Variants in RESF1 observed in about 807,000 individuals in gnomAD.
RESF1 encodes the protein gonad expressed transcript.
RESF1 carries 65 observed loss-of-function variants against 134.7 expected under a neutral mutation model. That is an observed-to-expected ratio of 0.48 (90% CI 0.40 to 0.59). RESF1 has a LOEUF of 0.59. RESF1 is among the 20% of genes least tolerant of loss of function. The probability of loss-of-function intolerance (pLI) is 0.00; values close to 1 mark genes in which losing one functional copy is unlikely to be tolerated. For missense variants in RESF1, 2,274 were observed against 2,002.7 expected (o/e 1.14, Z -2.59); for synonymous variants, 762 against 702.2 (o/e 1.09, Z -1.35).
In RESF1 at chr12:31,984,918, C is replaced by G. The variant is rs3759297; in HGVS notation, c.3963C>G (p.Thr1321=). Reference sequence around the variant, plus strand: ...CTTATGAACAAGCTTCTCAGGAAACCCGACAGAAGAAACATGTAACACAGA... The same window carrying G: ...CTTATGAACAAGCTTCTCAGGAAACGCGACAGAAGAAACATGTAACACAGA... The part of the protein sequence containing the change: ...TASYEQASQE[T]RQKKHVTQNS... The change falls in exon 4 of 6, where the codon ACC becomes ACG. Residue 1321 remains threonine, a synonymous_variant. Transcript: ENST00000312561. 307,994 of 1,611,740 alleles carry G rather than the reference C, an allele frequency of 0.19. 30,582 individuals carry two copies. The highest frequency in any genetic ancestry group is 0.25 in the Middle Eastern group (1,534 of 6,052).
chr12:31,961,422 A>G (rs11051700), intron 2 of RESF1, among the ~76,000 whole-genome samples: 19,176 of 152,192 alleles, frequency 0.13, 1,292 homozygotes, highest in Non-Finnish European at 0.15. Flanking sequence ...CTGTTCTCTC[A>G]TCTATAAAAT....
At chr12:31,967,454 C>T (rs947011687) in intron 2 of RESF1, among the ~76,000 whole-genome samples, 3 of 152,064 alleles carry the variant, frequency 2.0e-5, no homozygotes, top group African/African-American at 4.8e-5. Flanking sequence ...AGTTACATTT[C>T]GATAACCTGT....
At chr12:31,978,001 C>T (rs1186376580) in intron 3 of RESF1, among the ~76,000 whole-genome samples, 1 of 151,488 alleles carries the variant, frequency 6.6e-6, no homozygotes, top group Non-Finnish European at 1.5e-5. Context: ...GACAGGATTT[C>T]ACCATGTTGT....
intron 5 of RESF1, among the ~76,000 whole-genome samples, chr12:31,990,094 G>A (rs917337918): frequency 1.3e-5 from 2 of 152,164 alleles, no homozygotes; most frequent in African/African-American, 2.4e-5. Context: ...GGAGAGACAT[G>A]ATTATCTCAA....
In RESF1 at chr12:31,984,481, G is replaced by A; in HGVS notation, c.3526G>A (p.Gly1176Ser). 6.2e-7 allele frequency: 1 copy of A among 1,612,082 alleles called. No homozygotes were observed. Among genetic ancestry groups the A allele is most frequent in the Admixed American group, 1.7e-5 (1 of 59,868 alleles). ...EKDDIHCCAL[G>S]WLSMVYEGVP... ...AGATGATATCCACTGCTGTGCATTG[G>A]GCTGGCTCTCCATGGTTTACGAAGG... is the stretch of plus-strand genomic sequence containing the variant. Residue 1176 changes from glycine (G) to serine (S), a missense_variant, in exon 4 of 6, where the codon GGC (glycine) becomes AGC (serine). Gly to Ser is a moderately conservative substitution (Grantham distance 56). Coordinates refer to ENST00000312561, the MANE Select transcript of RESF1 (RefSeq NM_018169.4).
intron 3 of RESF1, among the ~76,000 whole-genome samples, chr12:31,977,465 G>A (rs1248654849): frequency 6.6e-6 from 1 of 152,054 alleles, no homozygotes; most frequent in Non-Finnish European, 1.5e-5. Context: ...GGATTTACAG[G>A]CGTGGGCCAC....
In RESF1 at chr12:31,981,774, TGACAAAA is replaced by T. The variant is rs751144594; in HGVS notation, c.823_829del (p.Lys275LeufsTer40). The T allele has an allele frequency of 6.2e-7, 1 of 1,613,864 alleles. No homozygotes were observed. Among genetic ancestry groups the T allele is most frequent in the East Asian group, 2.2e-5 (1 of 44,892 alleles). ...CATCACAGCAGTATGCCACGCAAAC[TGACAAAA>T]GACCTCCTCCTCCTCCTTACAACTG... On this transcript the variant is annotated frameshift_variant, in exon 4 of 6. Transcript: ENST00000312561. LOFTEE classifies it high-confidence loss of function.
At chr12:31,972,815 C>T (rs1939542428) in intron 3 of RESF1, among the ~76,000 whole-genome samples, 1 of 152,138 alleles carries the variant, frequency 6.6e-6, no homozygotes, top group South Asian at 2.1e-4. Flanking sequence ...TTTATTCCTA[C>T]ATTCTCAGAA....
chr12:31,966,022 T>C (rs1325264414), intron 2 of RESF1, among the ~76,000 whole-genome samples: 4 of 152,306 alleles, frequency 2.6e-5, no homozygotes, highest in South Asian at 4.1e-4. Context: ...TGTCAGCGCT[T>C]TTCAGATATT....
Position 31,983,078 on chromosome 12 carries a change from C to T in RESF1, c.2123C>T (p.Pro708Leu). ...ACAACAGCAGTTGGAATTTCAAAGC[C>T]TGCTAACATCCACGTTAAGAGTCCT... ...TNTTAVGISKPANIHVKSPCS... is the reference protein window; with the variant it reads ...TNTTAVGISKLANIHVKSPCS... Residue 708 changes from proline (P) to leucine (L), a missense_variant, in exon 4 of 6, where the codon CCT becomes CTT. Physicochemically the swap from Pro to Leu is moderately conservative, Grantham distance 98. Coordinates refer to ENST00000312561, the MANE Select transcript of RESF1 (RefSeq NM_018169.4). The T allele has an allele frequency of 6.2e-7, 1 of 1,613,576 alleles. No individual in the cohort carries two copies. The highest frequency in any genetic ancestry group is 1.7e-5 in the Admixed American group (1 of 59,982).
chr12:31,963,576 C>A (rs1939329686), intron 2 of RESF1, among the ~76,000 whole-genome samples: 1 of 152,188 alleles, frequency 6.6e-6, no homozygotes, highest in Non-Finnish European at 1.5e-5. Context: ...AGATAAAATT[C>A]ATAAGCCATT....
chr12:31,984,106 C>T lies in RESF1; in HGVS notation c.3151C>T (p.Leu1051=). 6.2e-7 allele frequency: 1 copy of T among 1,613,554 alleles called. No individual in the cohort carries two copies. The highest frequency in any genetic ancestry group is 8.5e-7 in the Non-Finnish European group (1 of 1,179,886). ...IHSDKAPVLY[L]HDQLSELLKE... Reference sequence around the variant, plus strand: ...CAGTGATAAGGCACCTGTCTTATACCTACATGACCAGCTGTCAGAACTTCT... The same window carrying T: ...CAGTGATAAGGCACCTGTCTTATACTTACATGACCAGCTGTCAGAACTTCT... Residue 1051 remains leucine (L), a synonymous_variant, in exon 4 of 6, where the codon CTA becomes TTA. Coordinates refer to ENST00000312561, the MANE Select transcript of RESF1 (RefSeq NM_018169.4).
rs1236837011 is a variant in RESF1, at chr12:31,984,124, GAAC to G, written c.3170_3172del (p.Glu1057_Leu1058delinsVal). The G allele has an allele frequency of 6.2e-7, 1 of 1,612,716 alleles. No individual in the cohort carries two copies. The highest frequency in any genetic ancestry group is 1.3e-5 in the African/African-American group (1 of 74,786). On this transcript the variant is annotated inframe_deletion, in exon 4 of 6. Coordinates refer to ENST00000312561, the MANE Select transcript of RESF1 (RefSeq NM_018169.4). Reference sequence around the variant, plus strand: ...CTTATACCTACATGACCAGCTGTCAGAACTTCTAAAAGAGTTTCCTTATGGCAT... The same window carrying G: ...CTTATACCTACATGACCAGCTGTCAGTTCTAAAAGAGTTTCCTTATGGCAT...
rs755843983 is a variant in RESF1, at chr12:31,983,911, C to G, written c.2956C>G (p.Leu986Val). 6.2e-7 allele frequency: 1 copy of G among 1,613,718 alleles called. No individual in the cohort carries two copies. The highest frequency in any genetic ancestry group is 1.3e-5 in the African/African-American group (1 of 74,920). ...ACCCTTAGAGTCATCTTTTAACAATCTTGAAACAAACAGAGTTATTCTAGA... is the reference window on the plus strand; with the variant it reads ...ACCCTTAGAGTCATCTTTTAACAATGTTGAAACAAACAGAGTTATTCTAGA... Reference protein sequence around the residue: ...EPPLESSFNNLETNRVILEKS... With the variant: ...EPPLESSFNNVETNRVILEKS... Residue 986 changes from leucine (L) to valine (V), a missense_variant, in exon 4 of 6, where the codon CTT becomes GTT. Physicochemically the swap from Leu to Val is conservative, Grantham distance 32. Coordinates refer to ENST00000312561, the MANE Select transcript of RESF1 (RefSeq NM_018169.4).
chr12:31,965,889 C>CAAAAAAA (rs10665492), intron 2 of RESF1, among the ~76,000 whole-genome samples: 1 of 114,050 alleles, frequency 8.8e-6, no homozygotes. Context: ...GACTTCGTCT[C>CAAAAAAA]AAAAAAAAAA....
rs1449715882 is a variant in RESF1 at position 31,992,728 on chromosome 12, T to C, written c.*193T>C. The C allele has an allele frequency of 1.2e-5, 7 of 598,672 alleles. No homozygotes were observed. Among genetic ancestry groups the C allele is most frequent in the African/African-American group, 1.1e-4 (6 of 53,514 alleles). The allele number at this position is 598,672 out of a possible 1,614,324, so 37.1% of individuals were successfully genotyped here. ...TGGGTAGCCATGTGTAAGAAATGGATGGTATTCACCGGGGAAACAAGGTAT... is the reference window on the plus strand; with the variant it reads ...TGGGTAGCCATGTGTAAGAAATGGACGGTATTCACCGGGGAAACAAGGTAT... On this transcript the variant is annotated 3_prime_UTR_variant, in exon 6 of 6. Transcript: ENST00000312561.
In RESF1 at chr12:31,992,596, T is replaced by C. The variant is rs1410938562; in HGVS notation, c.*61T>C. The C allele has an allele frequency of 3.3e-6, 5 of 1,492,854 alleles. No individual in the cohort carries two copies. Among genetic ancestry groups the C allele is most frequent in the Non-Finnish European group, 4.6e-6 (5 of 1,080,552 alleles). The allele number at this position is 1,492,854 out of a possible 1,614,324, so 92.5% of individuals were successfully genotyped here. A position where few individuals can be genotyped will look rare whatever the true frequency, so the allele number is the denominator to read the frequency against. On this transcript the variant is annotated 3_prime_UTR_variant, in exon 6 of 6. Transcript: ENST00000312561. Reference sequence around the variant, plus strand: ...TTTCTTTCCTTTTCTGTTCAAAATATTTCGCTGAAACTAATGAGAAATGCC... The same window carrying C: ...TTTCTTTCCTTTTCTGTTCAAAATACTTCGCTGAAACTAATGAGAAATGCC...
intron 3 of RESF1, among the ~76,000 whole-genome samples, chr12:31,980,219 C>G (rs561328235): frequency 7.0e-6 from 1 of 142,006 alleles, no homozygotes; most frequent in South Asian, 2.3e-4. Context: ...TCAAGTGATT[C>G]TTGTGCATCA....
chr12:31,981,224 T>C lies in RESF1; in HGVS notation c.269T>C (p.Val90Ala). 1.2e-6 allele frequency: 2 copies of C among 1,614,174 alleles called. No homozygotes were observed. Among genetic ancestry groups the C allele is most frequent in the Non-Finnish European group, 1.7e-6 (2 of 1,180,030 alleles). Residue 90 changes from valine to alanine, a missense_variant, in exon 4 of 6, where the codon GTA becomes GCA. Coordinates refer to ENST00000312561, the MANE Select transcript of RESF1 (RefSeq NM_018169.4). ...NGTVVASHTS[V>A]ERITYANVNG... is the part of the protein sequence containing the mutation. Reference sequence around the variant, plus strand: ...ACAGTTGTGGCCTCACACACTTCAGTAGAAAGAATAACATATGCAAATGTT... The same window carrying C: ...ACAGTTGTGGCCTCACACACTTCAGCAGAAAGAATAACATATGCAAATGTT...
Sources: allele counts gnomAD v4.1 joint callset (sites outside exome capture counted in the v4.1 genomes callset), GRCh38; gene constraint gnomAD v4.1.1; transcripts MANE v1.5; gene names NCBI Gene and HGNC (gene_info 2026-07-23, HGNC 2026-07-21).